ITK: variants seen among roughly 807,000 people sequenced by gnomAD.
The protein encoded by ITK is tyrosine-protein kinase ITK/TSK.
A neutral mutation model predicts 87.6 loss-of-function variants in ITK; 45 were observed. That is an observed-to-expected ratio of 0.51 (90% CI 0.40 to 0.66). The LOEUF is 0.66. ITK is among the 30% of genes least tolerant of loss of function. The pLI, the probability that ITK is intolerant of heterozygous loss-of-function variation, is 0.00. For missense variants in ITK, 605 were observed against 766.3 expected (o/e 0.79, Z 2.48); for synonymous variants, 303 against 273.6 (o/e 1.11, Z -1.06).
chr5:157,204,960 G>T (rs994110641), intron 1 of ITK, among the ~76,000 whole-genome samples: 5 of 151,970 alleles, frequency 3.3e-5, no homozygotes, highest in Admixed American at 6.6e-5. Context: ...ATCAGCTTCC[G>T]GGCTGAGGAC....
At position 157,243,636 on chromosome 5, in the gene ITK, C is replaced by T. The variant is rs142689933; in HGVS notation, c.1074C>T (p.Ile358=). The change falls in exon 12 of 17, where the codon ATC becomes ATT. Residue 358 remains isoleucine (I), a synonymous_variant. Coordinates refer to ENST00000422843, the MANE Select transcript of ITK (RefSeq NM_005546.4). ...TAGLRYGKWV[I]DPSELTFVQE... ...TCTCTCTTCCAGGGAAATGGGTGAT[C>T]GACCCCTCAGAGCTCACTTTTGTGC... The T allele has an allele frequency of 2.4e-5, 38 of 1,612,420 alleles. No individual in the cohort carries two copies. The highest frequency in any genetic ancestry group is 1.8e-4 in the East Asian group (8 of 44,876).
intron 3 of ITK, among the ~76,000 whole-genome samples, chr5:157,212,258 C>A (rs913960496): frequency 2.0e-5 from 3 of 152,172 alleles, no homozygotes; most frequent in Non-Finnish European, 4.4e-5. Flanking sequence ...TGTTCTTTAG[C>A]CTGAAGCACT....
chr5:157,194,596 C>A (rs2113742075), intron 1 of ITK, among the ~76,000 whole-genome samples: 1 of 152,230 alleles, frequency 6.6e-6, no homozygotes, highest in East Asian at 1.9e-4. Context: ...CATGCTGAGG[C>A]CATTTCCATG....
intron 9 of ITK, among the ~76,000 whole-genome samples, chr5:157,238,636 C>G (rs936608278): frequency 6.6e-6 from 1 of 152,144 alleles, no homozygotes; most frequent in African/African-American, 2.4e-5. Flanking sequence ...CTAAGAAGCC[C>G]TGAAGGCAGG....
intron 3 of ITK, 63 bp from the exon 4 acceptor site, chr5:157,214,128 A>G: frequency 7.1e-7 from 1 of 1,402,844 alleles, no homozygotes; most frequent in Non-Finnish European, 1.0e-6. Context: ...GGTGTTATAA[A>G]ATTGGTAGCC....
At chr5:157,236,704 T>G (rs947045413) in intron 8 of ITK, among the ~76,000 whole-genome samples, 1 of 152,186 alleles carries the variant, frequency 6.6e-6, no homozygotes, top group African/African-American at 2.4e-5. Flanking sequence ...TAGGAAGTAC[T>G]TAAAATAGAC....
At chr5:157,206,725 T>C (rs1321351303) in intron 1 of ITK, among the ~76,000 whole-genome samples, 7 of 152,202 alleles carry the variant, frequency 4.6e-5, no homozygotes. Flanking sequence ...GGGTTAGTGG[T>C]AACATCCTCT....
chr5:157,186,632 T>A (rs1365269537), intron 1 of ITK, among the ~76,000 whole-genome samples: 1 of 151,556 alleles, frequency 6.6e-6, no homozygotes, highest in African/African-American at 2.4e-5. Context: ...GCCAAGATTG[T>A]GCGATTGCAC....
At position 157,186,474 on chromosome 5, in the gene ITK, C is replaced by G. The variant is rs144555794; in HGVS notation, c.138+5359C>G. On this transcript the variant is annotated intron_variant, in intron 1 of 16. Coordinates refer to ENST00000422843, the MANE Select transcript of ITK (RefSeq NM_005546.4). ...TGGATCACCTGAGGGCAGGAGTTCA[C>G]GAGCAGCCTGGCTAATATGGTAAAA... 4.6e-5 allele frequency among the ~76,000 whole-genome samples: 7 copies of G among 151,838 alleles called. No homozygotes were observed. The East Asian group carries it at 7.8e-4, about 17-fold the overall frequency.
rs980412777 is a variant in ITK at position 157,234,139 on chromosome 5, C to A, written c.768+1745C>A. On this transcript the variant is annotated intron_variant, in intron 8 of 16. Transcript: ENST00000422843. Reference sequence around the variant, plus strand: ...GGGATTACAGGCATGTGCCATCACACCTAACTCATTTTTGTATTTTTACTA... The same window carrying A: ...GGGATTACAGGCATGTGCCATCACAACTAACTCATTTTTGTATTTTTACTA... Among the ~76,000 whole-genome samples the A allele has an allele frequency of 2.0e-5, 3 of 151,072 alleles. No homozygotes were observed. In the South Asian group the frequency reaches 6.3e-4, roughly 32 times the overall value.
rs1755204039 is a variant in ITK at position 157,254,070 on chromosome 5, C to G, written c.*1392C>G. 4.4e-6 allele frequency: 1 copy of G among 227,092 alleles called. No homozygotes were observed. Among genetic ancestry groups the G allele is most frequent in the African/African-American group, 2.2e-5 (1 of 45,004 alleles). The allele number at this position is 227,092 out of a possible 1,614,324, so 14.1% of individuals were successfully genotyped here. On this transcript the variant is annotated 3_prime_UTR_variant, in exon 17 of 17. Coordinates refer to ENST00000422843, the MANE Select transcript of ITK (RefSeq NM_005546.4). ...AGCTGGTATTCTAGCCCAAATCTGT[C>G]TGACCGCAATACACAGATTCTTTAT...
intron 1 of ITK, among the ~76,000 whole-genome samples, chr5:157,207,771 C>T (rs565512195): frequency 6.6e-6 from 1 of 152,238 alleles, no homozygotes; most frequent in African/African-American, 2.4e-5. Context: ...TATCTTAAAC[C>T]ACACGTAATT....
At chr5:157,186,116 A>T (rs1561645367) in intron 1 of ITK, among the ~76,000 whole-genome samples, 1 of 152,110 alleles carries the variant, frequency 6.6e-6, no homozygotes. Flanking sequence ...AGTCTACATT[A>T]CTCTCTGATA....
chr5:157,200,481 C>G (rs577239005), intron 1 of ITK, among the ~76,000 whole-genome samples: 15 of 152,110 alleles, frequency 9.9e-5, no homozygotes, highest in Admixed American at 4.6e-4. Flanking sequence ...AGGCAATCAC[C>G]CTTTCCCAGA....
At chr5:157,209,741 A>G (rs1246187649) in intron 2 of ITK, among the ~76,000 whole-genome samples, 1 of 152,164 alleles carries the variant, frequency 6.6e-6, no homozygotes. Context: ...ACTATCTGGA[A>G]TCGCACTGTC....
chr5:157,210,534 T>TG (rs991825488), intron 2 of ITK, among the ~76,000 whole-genome samples: 228 of 64,166 alleles, frequency 3.6e-3, no homozygotes, highest in Non-Finnish European at 6.9e-3. Context: ...TCTCTTGGTT[T>TG]TTTTTTTTTT....
intron 5 of ITK, among the ~76,000 whole-genome samples, chr5:157,219,181 C>T (rs1754362745): frequency 1.3e-5 from 2 of 148,942 alleles, no homozygotes; most frequent in African/African-American, 2.5e-5. Context: ...GGCGTGATCT[C>T]GGCTCACTGC....
rs1279359750 is a variant in ITK, at chr5:157,211,289, G to T, written c.246G>T (p.Val82=). ...GAACTCTGTGTGTGTGTCTCCAGGT[G>T]GTGCATGACAACTACCTCCTATATG... is the stretch of plus-strand genomic sequence containing the variant. The part of the protein sequence containing the change: ...IPCHYKYPFQ[V]VHDNYLLYVF... Residue 82 remains valine (V), a splice_region_variant and synonymous_variant, in exon 3 of 17, where the codon GTG becomes GTT. Coordinates refer to ENST00000422843, the MANE Select transcript of ITK (RefSeq NM_005546.4). 1 of 1,613,434 alleles carries T rather than the reference G, an allele frequency of 6.2e-7. No homozygotes were observed. The highest frequency in any genetic ancestry group is 2.2e-5 in the East Asian group (1 of 44,882).
At chr5:157,210,822 G>A (rs1203228335) in intron 2 of ITK, among the ~76,000 whole-genome samples, 5 of 151,160 alleles carry the variant, frequency 3.3e-5, no homozygotes, top group African/African-American at 1.2e-4. Context: ...GATGTCATCA[G>A]TGGAGAAAAG....
Sources: gnomAD v4.1 joint callset for allele counts (sites outside exome capture counted in the v4.1 genomes callset) on GRCh38, gnomAD v4.1.1 for gene constraint, MANE v1.5 for transcripts, NCBI Gene and HGNC (gene_info 2026-07-23, HGNC 2026-07-21) for gene names.